CPAMD8: variants seen among roughly 807,000 people sequenced by gnomAD.
CPAMD8 encodes the protein C3 and PZP like alpha-2-macroglobulin domain containing 8.
CPAMD8 carries 146 observed loss-of-function variants against 224.7 expected under a neutral mutation model. That is an observed-to-expected ratio of 0.65 (90% confidence interval 0.57 to 0.75). The LOEUF is 0.75. CPAMD8 is among the 30% of genes least tolerant of loss of function. The probability of loss-of-function intolerance (pLI) is 0.00; values close to 1 mark genes in which losing one functional copy is unlikely to be tolerated. For missense variants in CPAMD8, 2,301 were observed against 2,537.5 expected (o/e 0.91, Z 2.00); for synonymous variants, 966 against 1,044.6 (o/e 0.92, Z 1.45).
intron 12 of CPAMD8, among the ~76,000 whole-genome samples, chr19:16,991,274 T>C (rs962954254): frequency 1.3e-5 from 2 of 152,304 alleles, no homozygotes; most frequent in Non-Finnish European, 1.5e-5. Context: ...CTAATTTATG[T>C]CATTTTGCTA....
chr19:16,895,512 G>GTA (rs2051926946), intron 41 of CPAMD8: 1 of 200,206 alleles, frequency 5.0e-6, no homozygotes, highest in Non-Finnish European at 1.0e-5. Context: ...ATGGCTTAGT[G>GTA]GTTGCAGGTG....
rs2054795864 is a variant in CPAMD8 at position 16,965,397 on chromosome 19, C to G, written c.2213+5494G>C. 1.3e-5 allele frequency among the ~76,000 whole-genome samples: 2 copies of G among 152,080 alleles called. 1 individual carries two copies. Among genetic ancestry groups the G allele is most frequent in the South Asian group, 4.2e-4 (2 of 4,816 alleles). ...CACAGCCAATATCATACTGAATGGA[C>G]AAAAACTGGAAGCATTCCCTTTGAA... On this transcript the variant is annotated intron_variant, in intron 18 of 41. Transcript: ENST00000443236.
chr19:17,006,290 ACCTCTT>A (rs916026899), intron 7 of CPAMD8, among the ~76,000 whole-genome samples: 2 of 151,760 alleles, frequency 1.3e-5, no homozygotes, highest in African/African-American at 4.8e-5. Flanking sequence ...CAGGAGGTTG[ACCTCTT>A]CCCCAACTCT....
At chr19:16,934,865 A>G (rs2053640463) in intron 23 of CPAMD8, among the ~76,000 whole-genome samples, 1 of 152,168 alleles carries the variant, frequency 6.6e-6, no homozygotes, top group Non-Finnish European at 1.5e-5. Flanking sequence ...CAATGGCATT[A>G]AGTACACTCA....
At chr19:16,917,724 G>T (rs2053014486) in intron 27 of CPAMD8, among the ~76,000 whole-genome samples, 2 of 152,218 alleles carry the variant, frequency 1.3e-5, no homozygotes, top group African/African-American at 4.8e-5. Context: ...CTGGGAAACA[G>T]AGCGAGATCT....
At chr19:16,978,567 G>C (rs1040418247) in intron 14 of CPAMD8, among the ~76,000 whole-genome samples, 3 of 152,170 alleles carry the variant, frequency 2.0e-5, no homozygotes, top group African/African-American at 7.2e-5. Context: ...GGGGATGCTG[G>C]CAATATCTGC....
At chr19:16,923,934 T>C (rs1482235427) in intron 26 of CPAMD8, among the ~76,000 whole-genome samples, 1 of 150,734 alleles carries the variant, frequency 6.6e-6, no homozygotes, top group Middle Eastern at 3.2e-3. Context: ...CCGGCCTGGG[T>C]GACAGAGCGA....
At position 17,022,237 on chromosome 19, in the gene CPAMD8, C is replaced by T. The variant is rs568699336; in HGVS notation, c.93-56G>A. The T allele has an allele frequency of 1.5e-4, 241 of 1,568,272 alleles. 1 individual carries two copies. Among genetic ancestry groups the T allele is most frequent in the Admixed American group, 1.5e-3 (81 of 55,618 alleles). ...TCACCCCAGACCCCTGGTCTCGCTG[C>T]CACCACAGCTAGGTCAGGGCTCTCC... On this transcript the variant is annotated intron_variant, in intron 1 of 41. Transcript: ENST00000443236.
intron 13 of CPAMD8, among the ~76,000 whole-genome samples, chr19:16,987,174 AAAAAAATATATATATAT>A (rs1322550522): frequency 1.5e-4 from 15 of 96,798 alleles, no homozygotes; most frequent in African/African-American, 4.4e-4. Flanking sequence ...AAAAAAAAAA[AAAAAAATATATATATAT>A]ATATATATAT....
chr19:16,942,695 T>C (rs1170792722), intron 22 of CPAMD8, among the ~76,000 whole-genome samples: 1 of 152,106 alleles, frequency 6.6e-6, no homozygotes, highest in Non-Finnish European at 1.5e-5. Flanking sequence ...ATGATGCCCA[T>C]CTCTTCCACT....
At chr19:16,902,510 C>T in intron 35 of CPAMD8, 139 bp downstream of exon 35, 1 of 611,058 alleles carries the variant, frequency 1.6e-6, no homozygotes, top group East Asian at 2.9e-5. Flanking sequence ...GGGTGAGACT[C>T]TGTCTCAAAA....
chr19:16,935,963 T>A (rs937746217), intron 23 of CPAMD8, among the ~76,000 whole-genome samples: 14 of 151,844 alleles, frequency 9.2e-5, no homozygotes, highest in Admixed American at 6.6e-4. Flanking sequence ...CAACTCACTC[T>A]GTCGCCTAGG....
At chr19:16,968,572 C>T (rs1391980173) in intron 18 of CPAMD8, among the ~76,000 whole-genome samples, 1 of 152,184 alleles carries the variant, frequency 6.6e-6, no homozygotes, top group Non-Finnish European at 1.5e-5. Flanking sequence ...AATGTGACTG[C>T]AGCCAAAGCA....
At chr19:16,965,222 T>A (rs1016244508) in intron 18 of CPAMD8, among the ~76,000 whole-genome samples, 11 of 151,634 alleles carry the variant, frequency 7.3e-5, no homozygotes, top group Non-Finnish European at 1.2e-4. Flanking sequence ...ATCGCACCAC[T>A]GCACTCCAGC....
chr19:16,978,862 TC>T (rs2055378726), intron 14 of CPAMD8, among the ~76,000 whole-genome samples: 2 of 151,276 alleles, frequency 1.3e-5, no homozygotes, highest in Non-Finnish European at 3.0e-5. Flanking sequence ...CCTCTATTCA[TC>T]AACCATCCAT....
chr19:16,975,312 A>C, intron 16 of CPAMD8, 54 bp from the exon 17 acceptor site: 1 of 1,474,782 alleles, frequency 6.8e-7, no homozygotes, highest in Non-Finnish European at 9.3e-7. Flanking sequence ...TTACAACCCA[A>C]ACTGGCTCCC....
At chr19:17,012,777 G>C (rs2056696188) in intron 3 of CPAMD8, among the ~76,000 whole-genome samples, 1 of 152,210 alleles carries the variant, frequency 6.6e-6, no homozygotes, top group African/African-American at 2.4e-5. Context: ...TTCTTGCCAA[G>C]TGAATTCACA....
chr19:16,903,870 G>A lies in CPAMD8; in HGVS notation c.4252-13C>T, dbSNP rs1366174391. ...CCACGCAGGTGTCCTGGGGATGGAGGAGGAGACGGCCATCAACCCTGAGAC... is the reference window on the plus strand; with the variant it reads ...CCACGCAGGTGTCCTGGGGATGGAGAAGGAGACGGCCATCAACCCTGAGAC... On this transcript the variant is annotated splice_polypyrimidine_tract_variant and intron_variant, in intron 32 of 41. Coordinates refer to ENST00000443236, the MANE Select transcript of CPAMD8 (RefSeq NM_015692.5). The A allele has an allele frequency of 9.3e-6, 15 of 1,611,760 alleles. No homozygotes were observed. Among genetic ancestry groups the A allele is most frequent in the Non-Finnish European group, 1.1e-5 (13 of 1,179,528 alleles).
rs1017225667 is a variant in CPAMD8, at chr19:16,979,939, C to T, written c.1585+558G>A. 2.6e-5 allele frequency among the ~76,000 whole-genome samples: 4 copies of T among 151,928 alleles called. No individual in the cohort carries two copies. The South Asian group carries it at 6.2e-4, about 24-fold the overall frequency. ...TCTGGAGACTCTTTAGGTCATCATA[C>T]TGTGGAAAGTTGGTACTACTGGCAT... On this transcript the variant is annotated intron_variant, in intron 14 of 41. Transcript: ENST00000443236.
Sources: gnomAD v4.1 joint callset for allele counts (sites outside exome capture counted in the v4.1 genomes callset) on GRCh38, gnomAD v4.1.1 for gene constraint, MANE v1.5 for transcripts, NCBI Gene and HGNC (gene_info 2026-07-23, HGNC 2026-07-21) for gene names.